DPP10: variants seen among roughly 807,000 people sequenced by gnomAD.
DPP10 encodes dipeptidyl peptidase like 10.
A neutral mutation model predicts 120.9 loss-of-function variants in DPP10; 33 were observed. The ratio of observed to expected loss-of-function variants is 0.27; its 90% CI spans 0.21 to 0.37. DPP10 has a LOEUF of 0.37. DPP10 is among the 10% of genes least tolerant of loss of function. DPP10 has a pLI of 1.00. For missense variants in DPP10, 816 were observed against 942.8 expected (o/e 0.87, Z 1.76); for synonymous variants, 337 against 326.1 (o/e 1.03, Z -0.36).
Position 114,838,702 on chromosome 2 carries a change from A to C in DPP10, c.60+395864A>C, listed in dbSNP as rs180801572. On this transcript the variant is annotated intron_variant, in intron 1 of 25. Coordinates refer to ENST00000410059, the MANE Select transcript of DPP10 (RefSeq NM_020868.6). ...TCTCCCTAGGAATATGCCCTGTGTT[A>C]GTCCAGAAGATGCTGAAGGCATATT... 2.9e-3 allele frequency among the ~76,000 whole-genome samples: 442 copies of C among 152,294 alleles called. 3 individuals carry two copies. The highest frequency in any genetic ancestry group is 4.1e-3 in the South Asian group (20 of 4,832).
chr2:115,811,192 C>T (rs1686602639), intron 19 of DPP10, among the ~76,000 whole-genome samples: 1 of 152,030 alleles, frequency 6.6e-6, no homozygotes, highest in African/African-American at 2.4e-5. Context: ...AATAGATATG[C>T]CTATATTGTG....
intron 3 of DPP10, among the ~76,000 whole-genome samples, chr2:115,401,538 A>G (rs1048638322): frequency 6.6e-6 from 1 of 152,174 alleles, no homozygotes; most frequent in South Asian, 2.1e-4. Flanking sequence ...AGCTGTGATC[A>G]AGCTATCACA....
At chr2:114,989,633 C>T (rs538383415) in intron 1 of DPP10, among the ~76,000 whole-genome samples, 39 of 152,124 alleles carry the variant, frequency 2.6e-4, no homozygotes, top group Non-Finnish European at 4.7e-4. Context: ...ATTTTAGAAA[C>T]TGGGTCAGAA....
chr2:114,956,280 A>G (rs1363333331), intron 1 of DPP10, among the ~76,000 whole-genome samples: 1 of 152,078 alleles, frequency 6.6e-6, no homozygotes, highest in Non-Finnish European at 1.5e-5. Flanking sequence ...AATCAGTAAC[A>G]TTCCTTTATA....
intron 1 of DPP10, among the ~76,000 whole-genome samples, chr2:115,045,905 G>C (rs142656829): frequency 6.6e-6 from 1 of 152,138 alleles, no homozygotes; most frequent in African/African-American, 2.4e-5. Context: ...TTAGTTTATA[G>C]GGGTTTTGTT....
intron 3 of DPP10, among the ~76,000 whole-genome samples, chr2:115,498,196 C>T (rs2076503230): frequency 6.6e-6 from 1 of 151,986 alleles, no homozygotes; most frequent in African/African-American, 2.4e-5. Context: ...ACTACTGGCC[C>T]TCTGTGTTAT....
chr2:115,186,089 A>G (rs2054416033), intron 1 of DPP10, among the ~76,000 whole-genome samples: 1 of 152,184 alleles, frequency 6.6e-6, no homozygotes, highest in Non-Finnish European at 1.5e-5. Context: ...TGTTGACTTC[A>G]TGTCTAACCC....
chr2:115,106,582 C>A (rs1239258072), intron 1 of DPP10, among the ~76,000 whole-genome samples: 1 of 152,070 alleles, frequency 6.6e-6, no homozygotes, highest in African/African-American at 2.4e-5. Flanking sequence ...TACCTCAGCT[C>A]CCCGAGTAGC....
At chr2:115,187,737 C>G (rs1216767229) in intron 1 of DPP10, among the ~76,000 whole-genome samples, 1 of 152,130 alleles carries the variant, frequency 6.6e-6, no homozygotes, top group African/African-American at 2.4e-5. Context: ...TGTGGTGGCT[C>G]TCGCCTGTCA....
At chr2:115,084,582 C>T (rs1378052390) in intron 1 of DPP10, among the ~76,000 whole-genome samples, 1 of 152,198 alleles carries the variant, frequency 6.6e-6, no homozygotes, top group African/African-American at 2.4e-5. Flanking sequence ...AATTCAGAAG[C>T]TGTTTTTGTG....
intron 5 of DPP10, among the ~76,000 whole-genome samples, chr2:115,571,732 A>G (rs1240317135): frequency 6.8e-6 from 1 of 147,250 alleles, no homozygotes; most frequent in Non-Finnish European, 1.5e-5. Context: ...AATATGTGCC[A>G]TTATGGAAAA....
chr2:115,077,657 A>C (rs1025486408), intron 1 of DPP10, among the ~76,000 whole-genome samples: 1 of 152,188 alleles, frequency 6.6e-6, no homozygotes, highest in African/African-American at 2.4e-5. Context: ...TTTCACCTTT[A>C]ACTTCTTTTT....
chr2:114,851,959 C>G (rs1688975011), intron 1 of DPP10, among the ~76,000 whole-genome samples: 2 of 151,940 alleles, frequency 1.3e-5, no homozygotes, highest in Admixed American at 1.3e-4. Flanking sequence ...CACTTCCTTT[C>G]ATAAACACTG....
intron 1 of DPP10, among the ~76,000 whole-genome samples, chr2:115,165,815 CAAAA>C (rs1341116595): frequency 6.6e-6 from 1 of 152,028 alleles, no homozygotes; most frequent in Non-Finnish European, 1.5e-5. Flanking sequence ...CACACAAAAA[CAAAA>C]ACAACAAAAA....
chr2:115,359,202 C>T (rs923384264), intron 3 of DPP10, among the ~76,000 whole-genome samples: 5 of 152,010 alleles, frequency 3.3e-5, no homozygotes, highest in African/African-American at 9.7e-5. Flanking sequence ...TTTGTGGACT[C>T]GATTGTGTAG....
At chr2:115,092,009 G>A (rs560359151) in intron 1 of DPP10, among the ~76,000 whole-genome samples, 11 of 152,294 alleles carry the variant, frequency 7.2e-5, no homozygotes, top group East Asian at 1.9e-4. Flanking sequence ...TGCACACACC[G>A]TGCCAGGTAG....
In DPP10 at chr2:115,691,179, C is replaced by T. The variant is rs146939788; in HGVS notation, c.576+1258C>T. On this transcript the variant is annotated intron_variant, in intron 7 of 25. Coordinates refer to ENST00000410059, the MANE Select transcript of DPP10 (RefSeq NM_020868.6). ...GATATTAATACATTGTTTGGTCTAT[C>T]TTCATCCAGTTTTCGGATTTACTTC... Among the ~76,000 whole-genome samples, 837 of 151,860 alleles carry T rather than the reference C, an allele frequency of 5.5e-3. 9 individuals are homozygous for T. The highest frequency in any genetic ancestry group is 0.019 in the African/African-American group (782 of 41,416).
chr2:115,076,178 G>A (rs552980653), intron 1 of DPP10, among the ~76,000 whole-genome samples: 2 of 151,800 alleles, frequency 1.3e-5, no homozygotes, highest in Admixed American at 1.3e-4. Flanking sequence ...ATTCAGGTAA[G>A]AATAAAATAT....
chr2:115,670,969 G>A (rs2089830435), intron 5 of DPP10, among the ~76,000 whole-genome samples: 1 of 152,030 alleles, frequency 6.6e-6, no homozygotes, highest in Admixed American at 6.6e-5. Context: ...GTTAAGCCAT[G>A]TTTGAGAAAT....
Sources: allele counts gnomAD v4.1 joint callset (sites outside exome capture counted in the v4.1 genomes callset), GRCh38; gene constraint gnomAD v4.1.1; transcripts MANE v1.5; gene names NCBI Gene and HGNC (gene_info 2026-07-23, HGNC 2026-07-21).